Variants in HCN2 observed in about 807,000 individuals in gnomAD.
HCN2 encodes hyperpolarization activated cyclic nucleotide gated potassium and sodium channel 2, also known as potassium/sodium hyperpolarization-activated cyclic nucleotide-gated channel 2.
A neutral mutation model predicts 52.3 loss-of-function variants in HCN2; 20 were observed. That is an observed-to-expected ratio of 0.38 (90% CI 0.27 to 0.56). The LOEUF is 0.56. Among genes scored for constraint, HCN2 ranks in the 20% least tolerant of loss-of-function variants. The pLI is 0.71. For missense variants in HCN2, 981 were observed against 1,207.7 expected (o/e 0.81, Z 2.78); for synonymous variants, 694 against 537.0 (o/e 1.29, Z -4.04).
intron 4 of HCN2, among the ~76,000 whole-genome samples, chr19:608,505 TAGG>T (rs1055664936): frequency 6.6e-6 from 1 of 150,806 alleles, no homozygotes; most frequent in African/African-American, 2.5e-5. Flanking sequence ...TGGCTGTGAT[TAGG>T]AGGAGAAACG....
In HCN2 at chr19:591,555, G is replaced by A. The variant is rs1286427599; in HGVS notation, c.632+978G>A. Among the ~76,000 whole-genome samples the A allele has an allele frequency of 2.0e-5, 3 of 152,132 alleles. No homozygotes were observed. The highest frequency in any genetic ancestry group is 2.9e-5 in the Non-Finnish European group (2 of 67,988). On this transcript the variant is annotated intron_variant, in intron 1 of 7. Coordinates refer to ENST00000251287, the MANE Select transcript of HCN2 (RefSeq NM_001194.4). The surrounding 1 kb of genome is among the most constrained non-coding windows in gnomAD (Gnocchi z 4.1). ...CACACACGCGACCATGGAGGGATGCGTGTGTGTTTGTGTATCCACGAGTGG... is the reference window on the plus strand; with the variant it reads ...CACACACGCGACCATGGAGGGATGCATGTGTGTTTGTGTATCCACGAGTGG...
intron 1 of HCN2, among the ~76,000 whole-genome samples, chr19:602,434 G>A (rs941679167): frequency 6.6e-6 from 1 of 151,806 alleles, no homozygotes; most frequent in Non-Finnish European, 1.5e-5. Context: ...CTCCTCCTGC[G>A]TGGACGCCCC....
At chr19:603,413 G>T in intron 1 of HCN2, 131 bp from the exon 2 acceptor site, 1 of 649,104 alleles carries the variant, frequency 1.5e-6, no homozygotes, top group Non-Finnish European at 2.6e-6. Flanking sequence ...GGCTGGTCCC[G>T]CAGGCTCCTC....
chr19:614,210 C>T (rs1346426682), intron 7 of HCN2, among the ~76,000 whole-genome samples, 194 bp downstream of exon 7: 1 of 152,144 alleles, frequency 6.6e-6, no homozygotes, highest in Non-Finnish European at 1.5e-5. Flanking sequence ...GGGGCAGGGG[C>T]AGCGGCTGGC....
At chr19:613,827 AC>A (rs55851337) in intron 6 of HCN2, 24 bp from the exon 7 acceptor site, 486,810 of 1,493,850 alleles carry the variant, frequency 0.33, 83,017 homozygotes, top group Non-Finnish European at 0.35. Flanking sequence ...TCGTCCAGCA[AC>A]CCCCCCCTGC....
In HCN2 at chr19:616,363, T is replaced by G; in HGVS notation, c.2559T>G (p.Ala853=). 8.2e-7 allele frequency: 1 copy of G among 1,219,654 alleles called. No individual in the cohort carries two copies. 75.6% of individuals were successfully genotyped at this position (1,219,654 alleles called of 1,614,324 possible). Residue 853 remains alanine, a synonymous_variant, in exon 8 of 8, where the codon GCT becomes GCG. Coordinates refer to ENST00000251287, the MANE Select transcript of HCN2 (RefSeq NM_001194.4). ...CACCGCGCTTGGGGCCCACGCCCGC[T>G]GCCCGGGCCGCCGCGCCCAGCCCGG... ...SSTPRLGPTP[A]ARAAAPSPDR... is the part of the protein sequence containing the mutation.
chr19:608,473 A>G (rs1205637136), intron 4 of HCN2, among the ~76,000 whole-genome samples: 4 of 151,598 alleles, frequency 2.6e-5, no homozygotes, highest in African/African-American at 9.7e-5. Context: ...CGTGATGGGG[A>G]GCAGGGGACC....
At chr19:611,773 A>G (rs1600535204) in intron 5 of HCN2, among the ~76,000 whole-genome samples, 1 of 151,624 alleles carries the variant, frequency 6.6e-6, no homozygotes, top group African/African-American at 2.4e-5. Flanking sequence ...TCACCAGCTC[A>G]CTCCCCGTCC....
At chr19:611,692 G>A (rs1436221755) in intron 5 of HCN2, among the ~76,000 whole-genome samples, 3 of 152,126 alleles carry the variant, frequency 2.0e-5, no homozygotes, top group Non-Finnish European at 4.4e-5. Context: ...TATTAACAGA[G>A]TGCTGCACCC....
At position 616,559 on chromosome 19, in the gene HCN2, C is replaced by A; in HGVS notation, c.*85C>A. The A allele has an allele frequency of 2.5e-6, 2 of 790,940 alleles. No individual in the cohort carries two copies. Among genetic ancestry groups the A allele is most frequent in the Non-Finnish European group, 3.3e-6 (2 of 615,162 alleles). The allele number at this position is 790,940 out of a possible 1,614,324, so 49.0% of individuals were successfully genotyped here. ...AAGCCATGCCATTGCGCTGCCCCGG[C>A]CGCCAGTCCGCCCAGAAGCCATAGA... On this transcript the variant is annotated 3_prime_UTR_variant, in exon 8 of 8. Transcript: ENST00000251287.
intron 6 of HCN2, among the ~76,000 whole-genome samples, 167 bp from the exon 7 acceptor site, chr19:613,679 CCGGGGA>C (rs1568368841): frequency 3.4e-5 from 1 of 29,684 alleles, no homozygotes. Flanking sequence ...GGGGATGGGG[CCGGGGA>C]TGGGGCCGGG....
Position 590,640 on chromosome 19 carries a change from C to T in HCN2, c.632+63C>T, listed in dbSNP as rs568678321. ...CCGGGGAGCCGGGCGCGCGGGGAGCCGTCCTTGGAGCGCCTGGGGAGGGCG... is the reference window on the plus strand; with the variant it reads ...CCGGGGAGCCGGGCGCGCGGGGAGCTGTCCTTGGAGCGCCTGGGGAGGGCG... On this transcript the variant is annotated intron_variant, in intron 1 of 7. Coordinates refer to ENST00000251287, the MANE Select transcript of HCN2 (RefSeq NM_001194.4). The surrounding 1 kb of genome is among the most constrained non-coding windows in gnomAD (Gnocchi z 7.2). 7 of 1,228,536 alleles carry T rather than the reference C, an allele frequency of 5.7e-6. No homozygotes were observed. In the East Asian group the frequency reaches 1.4e-4, roughly 24 times the overall value. The allele number at this position is 1,228,536 out of a possible 1,614,324, so 76.1% of individuals were successfully genotyped here.
At position 590,296 on chromosome 19, in the gene HCN2, G is replaced by A. The variant is rs1433848577; in HGVS notation, c.351G>A (p.Pro117=). Residue 117 remains proline, a synonymous_variant, in exon 1 of 8, where the codon CCG becomes CCA. Transcript: ENST00000251287. This position sits in a 1 kb window ranked among gnomAD's most constrained non-coding sequence, Gnocchi z 7.2. ...GCAGCCCCGCGGGGCCCGAGGGCCC[G>A]GCGCGGGGGCCCAAGGTGTCGTTCT... is the stretch of plus-strand genomic sequence containing the variant. ...PQCSPAGPEG[P]ARGPKVSFSC... is the part of the protein sequence containing the mutation. The A allele has an allele frequency of 8.0e-6, 8 of 996,358 alleles. No individual in the cohort carries two copies. Among genetic ancestry groups the A allele is most frequent in the Non-Finnish European group, 8.3e-6 (7 of 839,188 alleles). The allele number at this position is 996,358 out of a possible 1,614,324, so 61.7% of individuals were successfully genotyped here.
At chr19:612,651 G>A (rs185904217) in intron 5 of HCN2, among the ~76,000 whole-genome samples, 2 of 152,124 alleles carry the variant, frequency 1.3e-5, no homozygotes, top group Admixed American at 6.5e-5. Flanking sequence ...CTGACATCAG[G>A]CGATCCACCC....
In HCN2 at chr19:591,719, G is replaced by T. The variant is rs1205562438; in HGVS notation, c.632+1142G>T. Among the ~76,000 whole-genome samples the T allele has an allele frequency of 6.6e-6, 1 of 152,124 alleles. No individual in the cohort carries two copies. Among genetic ancestry groups the T allele is most frequent in the Admixed American group, 6.5e-5 (1 of 15,278 alleles). ...GACCTGGGAAGCCTGCGGTTTTCCC[G>T]CCTGTCTCTCCTCCTCCAGGCCTGG... On this transcript the variant is annotated intron_variant, in intron 1 of 7. Coordinates refer to ENST00000251287, the MANE Select transcript of HCN2 (RefSeq NM_001194.4). The surrounding 1 kb of genome is among the most constrained non-coding windows in gnomAD (Gnocchi z 4.1).
chr19:593,577 G>A (rs1354445437), intron 1 of HCN2, among the ~76,000 whole-genome samples: 1 of 152,156 alleles, frequency 6.6e-6, no homozygotes, highest in African/African-American at 2.4e-5. Flanking sequence ...CCGAGATCGC[G>A]CTGCTGCACT....
intron 5 of HCN2, 57 bp from the exon 6 acceptor site, chr19:613,191 C>A (rs1302928177): frequency 1.9e-6 from 3 of 1,544,204 alleles, no homozygotes; most frequent in Admixed American, 1.9e-5. Context: ...AGAGGCAGGG[C>A]GAGGGGGAAG....
At chr19:595,936 G>A (rs1983017101) in intron 1 of HCN2, among the ~76,000 whole-genome samples, 1 of 152,176 alleles carries the variant, frequency 6.6e-6, no homozygotes, top group Non-Finnish European at 1.5e-5. Context: ...GCTCCTGCGG[G>A]GAGGGCCTGG....
At chr19:612,975 C>T (rs959847889) in intron 5 of HCN2, among the ~76,000 whole-genome samples, 13 of 152,178 alleles carry the variant, frequency 8.5e-5, no homozygotes, top group African/African-American at 2.7e-4. Flanking sequence ...CCCCCGCACC[C>T]GGCCTCCTTT....
Sources: gnomAD v4.1 joint callset for allele counts (sites outside exome capture counted in the v4.1 genomes callset) on GRCh38, gnomAD v4.1.1 for gene constraint, Gnocchi (gnomAD v3.1) non-coding constraint, MANE v1.5 for transcripts, NCBI Gene and HGNC (gene_info 2026-07-23, HGNC 2026-07-21) for gene names.